GRXCR1: variants seen among roughly 807,000 people sequenced by gnomAD.
The protein encoded by GRXCR1 is glutaredoxin and cysteine rich domain containing 1.
In GRXCR1, 27 loss-of-function variants were observed where a neutral mutation model predicts 27.3. That is an observed-to-expected ratio of 0.99 (90% CI 0.73 to 1.37). The LOEUF (loss-of-function observed/expected upper bound fraction) is 1.37, where lower values mean the gene tolerates loss of function less well. GRXCR1 is among the 40% of genes most tolerant of loss of function. The pLI, the probability that GRXCR1 is intolerant of heterozygous loss-of-function variation, is 0.00. For synonymous variants in GRXCR1, 122 were observed against 131.1 expected (o/e 0.93, Z 0.47); for missense variants, 379 against 354.4 (o/e 1.07, Z -0.56).
At chr4:42,932,601 TATATATATATATATATATAG>T (rs1393182247) in intron 1 of GRXCR1, among the ~76,000 whole-genome samples, 35 of 59,152 alleles carry the variant, frequency 5.9e-4, no homozygotes, top group African/African-American at 1.9e-3. Context: ...TATATATATA[TATATATATATATATATATAG>T]AGAGAGAGAG....
chr4:43,030,518 G>A lies in GRXCR1; in HGVS notation c.851G>A (p.Arg284His), dbSNP rs769123480. The change falls in exon 4 of 4, where the codon CGT becomes CAT. Residue 284 changes from arginine to histidine, a missense_variant. Coordinates refer to ENST00000399770, the MANE Select transcript of GRXCR1 (RefSeq NM_001080476.3). ...GCTTGCAATGAAAATGGTCTTCAGC[G>A]TTGTAAGAACTGTGCTGGTTAATTG... ...CTACNENGLQRCKNCAG is the reference protein window; with the variant it reads ...CTACNENGLQHCKNCAG 5.9e-5 allele frequency: 96 copies of A among 1,613,920 alleles called. No individual in the cohort carries two copies. The highest frequency in any genetic ancestry group is 8.3e-5 in the Admixed American group (5 of 59,996).
intron 2 of GRXCR1, among the ~76,000 whole-genome samples, chr4:42,983,043 G>T (rs1711540540): frequency 6.6e-6 from 1 of 151,986 alleles, no homozygotes; most frequent in South Asian, 2.1e-4. Flanking sequence ...TTGCTGTGCG[G>T]AAGCTCTTTA....
chr4:43,004,563 G>GA (rs1712492213), intron 2 of GRXCR1, among the ~76,000 whole-genome samples: 1 of 152,212 alleles, frequency 6.6e-6, no homozygotes, highest in Non-Finnish European at 1.5e-5. Flanking sequence ...GAGTGACAGG[G>GA]GTGGAACTGC....
chr4:42,944,327 C>T (rs751959066), intron 1 of GRXCR1, among the ~76,000 whole-genome samples: 18 of 151,424 alleles, frequency 1.2e-4, no homozygotes, highest in East Asian at 7.8e-4. Context: ...ATAGCACAAG[C>T]GAGAAAAAAA....
intron 2 of GRXCR1, among the ~76,000 whole-genome samples, chr4:42,987,230 T>TATATATATATATATA (rs1560676802): frequency 4.7e-5 from 4 of 85,522 alleles, no homozygotes; most frequent in Admixed American, 1.5e-4. Context: ...TATTATATAT[T>TATATATATATATATA]ATATATATAT....
At chr4:43,027,189 A>G (rs1560693045) in intron 3 of GRXCR1, among the ~76,000 whole-genome samples, 1 of 152,238 alleles carries the variant, frequency 6.6e-6, no homozygotes, top group Non-Finnish European at 1.5e-5. Context: ...AGTGCCTACT[A>G]TGTGTCAGGC....
chr4:42,997,605 C>A (rs1712215705), intron 2 of GRXCR1, among the ~76,000 whole-genome samples: 1 of 152,110 alleles, frequency 6.6e-6, no homozygotes, highest in African/African-American at 2.4e-5. Flanking sequence ...TGCAAAGGAG[C>A]TCCTCCCCAC....
chr4:42,911,119 T>A (rs1018293116), intron 1 of GRXCR1, among the ~76,000 whole-genome samples: 27 of 152,208 alleles, frequency 1.8e-4, no homozygotes, highest in Admixed American at 1.4e-3. Flanking sequence ...GTGCCTAGCA[T>A]AGTACTTGGC....
intron 3 of GRXCR1, among the ~76,000 whole-genome samples, chr4:43,022,541 G>A (rs1179786607): frequency 6.6e-6 from 1 of 152,180 alleles, no homozygotes; most frequent in African/African-American, 2.4e-5. Context: ...ATAATGGTAT[G>A]GCATTGGCTT....
chr4:43,022,509 T>C (rs1459717028), intron 3 of GRXCR1, among the ~76,000 whole-genome samples: 1 of 152,210 alleles, frequency 6.6e-6, no homozygotes, highest in Non-Finnish European at 1.5e-5. Context: ...ACAAATACTT[T>C]AAGTTATTTT....
chr4:43,029,610 C>A (rs1356460530), intron 3 of GRXCR1, among the ~76,000 whole-genome samples: 1 of 152,106 alleles, frequency 6.6e-6, no homozygotes, highest in Non-Finnish European at 1.5e-5. Context: ...CACTATCGGG[C>A]TATTTTCATT....
intron 2 of GRXCR1, among the ~76,000 whole-genome samples, chr4:43,019,212 TC>T (rs1485291683): frequency 6.6e-6 from 1 of 152,196 alleles, no homozygotes. Flanking sequence ...TCCTAGCCTA[TC>T]TTTGTTTATT....
rs116569093 is a variant in GRXCR1, at chr4:42,971,912, T to C, written c.627+8778T>C. Among the ~76,000 whole-genome samples, 295 of 152,302 alleles carry C rather than the reference T, an allele frequency of 1.9e-3. 3 individuals carry two copies. The highest frequency in any genetic ancestry group is 6.7e-3 in the African/African-American group (280 of 41,586). On this transcript the variant is annotated intron_variant, in intron 2 of 3. Transcript: ENST00000399770. ...GAATAACTTTAAAAAACATCTCTGA[T>C]ATTGATTCAGGGTTCTTGCTTTGTT...
At chr4:42,942,363 A>T (rs1166007970) in intron 1 of GRXCR1, among the ~76,000 whole-genome samples, 2 of 152,050 alleles carry the variant, frequency 1.3e-5, no homozygotes, top group African/African-American at 2.4e-5. Flanking sequence ...TCAAGGAAAT[A>T]AGGCACAGTA....
chr4:42,982,748 C>G (rs1274550474), intron 2 of GRXCR1, among the ~76,000 whole-genome samples: 2 of 148,270 alleles, frequency 1.3e-5, no homozygotes, highest in South Asian at 2.2e-4. Flanking sequence ...GATTGCCATT[C>G]TAACTGGTGT....
intron 3 of GRXCR1, 110 bp downstream of exon 3, chr4:43,020,529 G>A: frequency 1.3e-6 from 1 of 752,842 alleles, no homozygotes; most frequent in Non-Finnish European, 2.4e-6. Context: ...TTACAAATAT[G>A]CAATAGGATA....
At chr4:42,913,510 G>T (rs1410406007) in intron 1 of GRXCR1, among the ~76,000 whole-genome samples, 4 of 152,178 alleles carry the variant, frequency 2.6e-5, no homozygotes, top group Admixed American at 2.0e-4. Context: ...TTAGATTTAG[G>T]TTATCTGGCA....
intron 3 of GRXCR1, among the ~76,000 whole-genome samples, chr4:43,029,639 T>A (rs1057353008): frequency 5.9e-5 from 9 of 152,198 alleles, no homozygotes; most frequent in Non-Finnish European, 1.2e-4. Context: ...AGAGATACTT[T>A]ACCTTTGCTT....
chr4:43,002,477 G>C (rs984687845), intron 2 of GRXCR1, among the ~76,000 whole-genome samples: 8 of 150,680 alleles, frequency 5.3e-5, no homozygotes, highest in African/African-American at 1.7e-4. Context: ...TACAACACAT[G>C]TTTTTGTGAA....
Sources: gnomAD v4.1 joint callset for allele counts (sites outside exome capture counted in the v4.1 genomes callset) on GRCh38, gnomAD v4.1.1 for gene constraint, MANE v1.5 for transcripts, NCBI Gene and HGNC (gene_info 2026-07-23, HGNC 2026-07-21) for gene names.